ROCK2: variants seen among roughly 807,000 people sequenced by gnomAD.
ROCK2 encodes the protein rho-associated protein kinase 2.
ROCK2 carries 61 observed loss-of-function variants against 195.1 expected under a neutral mutation model. That is an observed-to-expected ratio of 0.31 (90% CI 0.25 to 0.39). The LOEUF is 0.39. Ranked by LOEUF, ROCK2 falls within the 10% of genes least tolerant of loss-of-function variation. ROCK2 has a pLI of 1.00. For synonymous variants in ROCK2, 504 were observed against 545.5 expected, an observed-to-expected ratio of 0.92 and a Z score of 1.06; for missense variants, 1,109 against 1,637.4, an observed-to-expected ratio of 0.68 and a Z score of 5.57.
At chr2:11,313,887 T>C (rs558483992) in intron 1 of ROCK2, among the ~76,000 whole-genome samples, 43 of 152,072 alleles carry the variant, frequency 2.8e-4, no homozygotes, top group African/African-American at 9.9e-4. Flanking sequence ...TTTACAAATA[T>C]AAATTTTTAC....
At position 11,219,010 on chromosome 2, in the gene ROCK2, G is replaced by T; in HGVS notation, c.1276C>A (p.Pro426Thr). ...YRENLLLSDS[P>T]SCRETDSIQS... ...ATGGAATCAGTTTCTCTACAAGATG[G>T]AGAGTCACTTAATAATCTACATGGA... Residue 426 changes from proline (P) to threonine (T), a missense_variant, in exon 10 of 33, where the codon CCA (proline) becomes ACA (threonine). Around this residue, in one of 6 missense-constraint regions of ROCK2, gnomAD observed 542 missense variants for 672.0 expected, o/e 0.81. Transcript: ENST00000315872. 1 of 1,474,810 alleles carries T rather than the reference G, an allele frequency of 6.8e-7. No homozygotes were observed. Among genetic ancestry groups the T allele is most frequent in the Non-Finnish European group, 9.3e-7 (1 of 1,077,556 alleles). 91.4% of individuals were successfully genotyped at this position (1,474,810 alleles called of 1,614,324 possible). A position where few individuals can be genotyped will look rare whatever the true frequency, so the allele number is the denominator to read the frequency against.
chr2:11,196,917 C>T lies in ROCK2; in HGVS notation c.3448+263G>A, dbSNP rs561562379. On this transcript the variant is annotated intron_variant, in intron 27 of 32. Coordinates refer to ENST00000315872, the MANE Select transcript of ROCK2 (RefSeq NM_004850.5). ...AATGCAGAAAGAAGAGAAAATGAAA[C>T]GAAAGCTTAAAAATAGAGCTAATAT... Among the ~76,000 whole-genome samples, 52 of 151,990 alleles carry T rather than the reference C, an allele frequency of 3.4e-4. 1 individual carries two copies. Among genetic ancestry groups the T allele is most frequent in the South Asian group, 1.2e-3 (6 of 4,810 alleles).
intron 17 of ROCK2, among the ~76,000 whole-genome samples, chr2:11,213,713 C>T (rs1321302624): frequency 2.0e-5 from 3 of 151,848 alleles, no homozygotes; most frequent in East Asian, 1.9e-4. Context: ...CTTTGCCCTA[C>T]GGACCTATCC....
chr2:11,306,666 G>A (rs912455281), intron 1 of ROCK2, among the ~76,000 whole-genome samples: 1 of 152,146 alleles, frequency 6.6e-6, no homozygotes, highest in African/African-American at 2.4e-5. Context: ...TACAGAAACA[G>A]GTAAAAGAAC....
Position 11,221,191 on chromosome 2 carries a change from C to A in ROCK2, c.1259+7G>T. On this transcript the variant is annotated splice_region_variant and intron_variant, in intron 9 of 32. Coordinates refer to ENST00000315872, the MANE Select transcript of ROCK2 (RefSeq NM_004850.5). The stretch of plus-strand genomic sequence containing the variant: ...CAGTAAAATTTAACAAATAATAAAC[C>A]ACATACAAATTTTCTCTATAGTAGG... 6.5e-7 allele frequency: 1 copy of A among 1,526,976 alleles called. No individual in the cohort carries two copies. 94.6% of individuals were successfully genotyped at this position (1,526,976 alleles called of 1,614,324 possible).
In ROCK2 at chr2:11,197,381, G is replaced by T. The variant is rs1368888290; in HGVS notation, c.3280-33C>A. The T allele has an allele frequency of 6.3e-7, 1 of 1,593,258 alleles. No individual in the cohort carries two copies. The highest frequency in any genetic ancestry group is 2.2e-5 in the East Asian group (1 of 44,734). On this transcript the variant is annotated intron_variant, in intron 26 of 32. Coordinates refer to ENST00000315872, the MANE Select transcript of ROCK2 (RefSeq NM_004850.5). This position sits in a 1 kb window ranked among gnomAD's most constrained non-coding sequence, Gnocchi z 4.9. ...AAATTTAATTACAATAAGTTAATTG[G>T]ATGCAACATAACTCAACATTTTGCT...
rs114186603 is a variant in ROCK2 at position 11,204,884 on chromosome 2, G to A, written c.2550-2763C>T. Among the ~76,000 whole-genome samples, 1,203 of 152,120 alleles carry A rather than the reference G, an allele frequency of 7.9e-3. 7 individuals are homozygous for A. The highest frequency in any genetic ancestry group is 0.014 in the Non-Finnish European group (927 of 67,994). On this transcript the variant is annotated intron_variant, in intron 20 of 32. Coordinates refer to ENST00000315872, the MANE Select transcript of ROCK2 (RefSeq NM_004850.5). ...CTACTCCTTGATATATGTTTCCTCC[G>A]GGGGCACTTTTCCTCTTTCATTATC... is the stretch of plus-strand genomic sequence containing the variant.
At chr2:11,287,197 CACTT>C (rs1386551967) in intron 2 of ROCK2, among the ~76,000 whole-genome samples, 1 of 152,140 alleles carries the variant, frequency 6.6e-6, no homozygotes, top group Non-Finnish European at 1.5e-5. Context: ...AATTCAATTT[CACTT>C]ACTTCTGCAT....
At chr2:11,322,209 T>C (rs745776898) in intron 1 of ROCK2, among the ~76,000 whole-genome samples, 12 of 152,198 alleles carry the variant, frequency 7.9e-5, no homozygotes, top group Admixed American at 1.3e-4. Flanking sequence ...AAACAAACAA[T>C]GGTCAATTTA....
intron 27 of ROCK2, among the ~76,000 whole-genome samples, chr2:11,195,664 G>A (rs1288315211): frequency 2.0e-5 from 3 of 152,120 alleles, no homozygotes; most frequent in South Asian, 2.1e-4. Context: ...ACAGGCACGC[G>A]CCAGCACGCC....
chr2:11,231,727 A>G (rs1665019132), intron 5 of ROCK2, among the ~76,000 whole-genome samples: 1 of 152,094 alleles, frequency 6.6e-6, no homozygotes, highest in African/African-American at 2.4e-5. Flanking sequence ...AACTGCATCC[A>G]GAAAGTTGTG....
intron 1 of ROCK2, chr2:11,308,422 T>C: frequency 3.7e-6 from 6 of 1,605,548 alleles, no homozygotes; most frequent in Non-Finnish European, 5.1e-6. Context: ...CTGAAGAAGA[T>C]GAAGAAGAGG....
At chr2:11,191,023 G>C (rs1663402777) in intron 32 of ROCK2, among the ~76,000 whole-genome samples, 1 of 152,002 alleles carries the variant, frequency 6.6e-6, no homozygotes, top group Non-Finnish European at 1.5e-5. Flanking sequence ...TTATTTCCTT[G>C]AGAGATTAGT....
rs1665161970 is a variant in ROCK2 at position 11,235,267 on chromosome 2, G to C, written c.723+435C>G. ...ATTTATTCTGTGTGGTTGATGCAGA[G>C]GGAGTGACGAGGAGGTTGTAACATA... On this transcript the variant is annotated intron_variant, in intron 5 of 32. Transcript: ENST00000315872. The surrounding 1 kb of genome is among the most constrained non-coding windows in gnomAD (Gnocchi z 4.2). Among the ~76,000 whole-genome samples, 1 of 152,154 alleles carries C rather than the reference G, an allele frequency of 6.6e-6. No individual in the cohort carries two copies. Among genetic ancestry groups the C allele is most frequent in the Admixed American group, 6.5e-5 (1 of 15,278 alleles).
At position 11,202,791 on chromosome 2, in the gene ROCK2, C is replaced by T. The variant is rs1270241880; in HGVS notation, c.2550-670G>A. Among the ~76,000 whole-genome samples, 4 of 152,260 alleles carry T rather than the reference C, an allele frequency of 2.6e-5. No individual in the cohort carries two copies. In the East Asian group the frequency reaches 5.8e-4, roughly 22 times the overall value. The stretch of plus-strand genomic sequence containing the variant: ...GATTACAGGCGTGAGCCACTGCACC[C>T]GGCAGAACCCTTGATAATTTTTTTA... On this transcript the variant is annotated intron_variant, in intron 20 of 32. Transcript: ENST00000315872.
intron 6 of ROCK2, among the ~76,000 whole-genome samples, chr2:11,225,803 A>G (rs543824014): frequency 6.6e-6 from 1 of 152,352 alleles, no homozygotes; most frequent in South Asian, 2.1e-4. Flanking sequence ...GGACAGCTAC[A>G]TGGGACCATA....
chr2:11,264,320 A>G (rs917853802), intron 3 of ROCK2, among the ~76,000 whole-genome samples: 1 of 152,188 alleles, frequency 6.6e-6, no homozygotes, highest in Non-Finnish European at 1.5e-5. Flanking sequence ...GATGACAGTA[A>G]AAGTGGATGG....
intron 32 of ROCK2, among the ~76,000 whole-genome samples, chr2:11,189,192 TAAG>T (rs1663322115): frequency 6.6e-6 from 1 of 152,222 alleles, no homozygotes; most frequent in Non-Finnish European, 1.5e-5. Flanking sequence ...AACTTTGTTT[TAAG>T]AAGGATACCA....
At chr2:11,283,093 C>CCTGTTTCA (rs1667063262) in intron 3 of ROCK2, among the ~76,000 whole-genome samples, 1 of 69,992 alleles carries the variant, frequency 1.4e-5, no homozygotes, top group Non-Finnish European at 3.2e-5. Context: ...ATGGTGAAAC[C>CCTGTTTCA]CCATCTCTAC....
Sources: allele counts gnomAD v4.1 joint callset (sites outside exome capture counted in the v4.1 genomes callset), GRCh38; gene constraint gnomAD v4.1.1; regional missense constraint gnomAD v4.1.1; non-coding constraint Gnocchi (gnomAD v3.1); transcripts MANE v1.5; gene names NCBI Gene and HGNC (gene_info 2026-07-23, HGNC 2026-07-21).